The following TIMM50 variants were observed in gnomAD, a reference collection of about 807,000 sequenced individuals.
TIMM50 encodes the protein translocase of inner mitochondrial membrane 50, also known as mitochondrial import inner membrane translocase subunit TIM50.
TIMM50 carries 34 observed loss-of-function variants against 49.6 expected under a neutral mutation model. That is an observed-to-expected ratio of 0.69 (90% CI 0.52 to 0.91). The LOEUF (loss-of-function observed/expected upper bound fraction) is 0.91. Ranked by LOEUF, TIMM50 falls within the 40% of genes least tolerant of loss-of-function variation. The probability of loss-of-function intolerance (pLI) is 0.00; values close to 1 mark genes in which losing one functional copy is unlikely to be tolerated. For missense variants in TIMM50, 458 were observed against 477.8 expected (o/e 0.96, Z 0.39); for synonymous variants, 199 against 198.4 (o/e 1.00, Z -0.03).
At position 39,486,079 on chromosome 19, in the gene TIMM50, G is replaced by A. The variant is rs2079503490; in HGVS notation, c.493-108G>A. 5 of 1,233,474 alleles carry A rather than the reference G, an allele frequency of 4.1e-6. No individual in the cohort carries two copies. In the East Asian group the frequency reaches 7.0e-5, roughly 17 times the overall value. 76.4% of individuals were successfully genotyped at this position (1,233,474 alleles called of 1,614,324 possible). On this transcript the variant is annotated intron_variant, in intron 6 of 10. Transcript: ENST00000607714. ...TTGACCTCCAAGAGCCACAGAGACA[G>A]AGGGAGAGAACTCTGTTCTGGGAAT...
At chr19:39,481,548 C>A (rs1022248397) in intron 1 of TIMM50, among the ~76,000 whole-genome samples, 11 of 152,174 alleles carry the variant, frequency 7.2e-5, no homozygotes, top group African/African-American at 2.7e-4. Context: ...CCACTTGTGC[C>A]CTCCGTTCCC....
At chr19:39,481,644 C>T (rs2079472741) in intron 1 of TIMM50, among the ~76,000 whole-genome samples, 3 of 152,168 alleles carry the variant, frequency 2.0e-5, no homozygotes. Flanking sequence ...CTGTTGCCTT[C>T]AGGATCCTGT....
rs1555752463 is a variant in TIMM50, at chr19:39,492,322, G to GGT, written c.*2503_*2504insTG. 1 of 148,186 alleles carries GGT rather than the reference G, an allele frequency of 6.7e-6. No homozygotes were observed. The highest frequency in any genetic ancestry group is 1.5e-5 in the Non-Finnish European group (1 of 67,570). 9.2% of individuals were successfully genotyped at this position (148,186 alleles called of 1,614,324 possible). ...TGGGAAGAGCCTGTCTCTTGCGGGG[G>GGT]GGGGAGAAGAAAGTTCTTGTCTCAG... On this transcript the variant is annotated 3_prime_UTR_variant, in exon 11 of 11. Transcript: ENST00000607714.
chr19:39,484,612 AT>A (rs1167227677), intron 4 of TIMM50, among the ~76,000 whole-genome samples: 1 of 151,954 alleles, frequency 6.6e-6, no homozygotes, highest in African/African-American at 2.4e-5. Context: ...GCATTGCCAG[AT>A]TTCCCAGGGG....
chr19:39,484,961 G>GTT (rs368481831), intron 4 of TIMM50: 67 of 148,076 alleles, frequency 4.5e-4, no homozygotes, highest in East Asian at 2.0e-3. Context: ...GTTTTGTTTT[G>GTT]TTTTTTTTTT....
chr19:39,487,638 T>C (rs1292676293), intron 8 of TIMM50, among the ~76,000 whole-genome samples: 1 of 152,084 alleles, frequency 6.6e-6, no homozygotes, highest in Non-Finnish European at 1.5e-5. Flanking sequence ...TTTGTATTTT[T>C]AGTAGAGACA....
intron 4 of TIMM50, chr19:39,485,111 C>CA: frequency 5.5e-6 from 1 of 181,834 alleles, no homozygotes; most frequent in South Asian, 1.1e-4. Context: ...CACATGCCAC[C>CA]ACGCCCGGCT....
Position 39,488,536 on chromosome 19 carries a change from C to G in TIMM50, c.854-3C>G, listed in dbSNP as rs768399918. On this transcript the variant is annotated splice_region_variant and splice_polypyrimidine_tract_variant and intron_variant, in intron 9 of 10. Transcript: ENST00000607714. ...GGCTGACCACCCCCTGTTGTGCCCA[C>G]AGCCATTGCACTGAATGGTGTGGAG... is the stretch of plus-strand genomic sequence containing the variant. The G allele has an allele frequency of 6.2e-7, 1 of 1,612,340 alleles. No individual in the cohort carries two copies. Among genetic ancestry groups the G allele is most frequent in the South Asian group, 1.1e-5 (1 of 91,010 alleles).
At chr19:39,487,780 C>A (rs866433366) in intron 8 of TIMM50, among the ~76,000 whole-genome samples, 1 of 151,998 alleles carries the variant, frequency 6.6e-6, no homozygotes, top group Non-Finnish European at 1.5e-5. Flanking sequence ...TTAGTAGATA[C>A]GGGGTTTCAC....
chr19:39,480,873 T>C lies in TIMM50; in HGVS notation c.20T>C (p.Val7Ala). 6.3e-7 allele frequency: 1 copy of C among 1,599,688 alleles called. No homozygotes were observed. The highest frequency in any genetic ancestry group is 1.1e-5 in the South Asian group (1 of 89,938). The change falls in exon 1 of 11, where the codon GTG becomes GCG. Residue 7 changes from valine to alanine, a missense_variant. Transcript: ENST00000607714. ...CGCAAGATGGCGGCCTCGGCAGCGG[T>C]GTTCTCGCGCTTGCGAAGCGGGCTC... MAASAA[V>A]FSRLRSGLRL... is the part of the protein sequence containing the mutation.
intron 4 of TIMM50, among the ~76,000 whole-genome samples, chr19:39,483,940 A>C (rs1238636403): frequency 6.6e-6 from 1 of 151,912 alleles, no homozygotes; most frequent in African/African-American, 2.4e-5. Context: ...TGCAACCTCC[A>C]CCTCCTGGGT....
rs553696507 is a variant in TIMM50, at chr19:39,487,489, G to A, written c.697-572G>A. 8.6e-5 allele frequency among the ~76,000 whole-genome samples: 13 copies of A among 151,438 alleles called. No homozygotes were observed. The East Asian group carries it at 2.3e-3, about 27-fold the overall frequency. On this transcript the variant is annotated intron_variant, in intron 8 of 10. Coordinates refer to ENST00000607714, the MANE Select transcript of TIMM50 (RefSeq NM_001001563.5). ...TATTTTTTTTGTGAGACGGAGTCTCGCTCTGTTGCCTAGGCTGGAGTGCAG... is the reference window on the plus strand; with the variant it reads ...TATTTTTTTTGTGAGACGGAGTCTCACTCTGTTGCCTAGGCTGGAGTGCAG...
chr19:39,483,017 C>T (rs890118816), intron 3 of TIMM50, 101 bp downstream of exon 3: 191 of 1,607,980 alleles, frequency 1.2e-4, no homozygotes, highest in Non-Finnish European at 1.5e-4. Flanking sequence ...TGGAGTGAGC[C>T]TTTCTTTCCC....
intron 10 of TIMM50, 78 bp downstream of exon 10, chr19:39,488,723 A>C (rs1000227549): frequency 8.3e-7 from 1 of 1,204,640 alleles, no homozygotes; most frequent in Non-Finnish European, 1.2e-6. Flanking sequence ...CCATCTCCAC[A>C]CTCTTGGTTT....
chr19:39,488,398 G>A, intron 9 of TIMM50, 141 bp from the exon 10 acceptor site: 1 of 1,082,868 alleles, frequency 9.2e-7, no homozygotes, highest in South Asian at 1.5e-5. Flanking sequence ...GGGATGTTCA[G>A]GGGAGCCCTT....
chr19:39,486,337 G>C, intron 7 of TIMM50, 46 bp downstream of exon 7: 1 of 1,612,514 alleles, frequency 6.2e-7, no homozygotes, highest in Non-Finnish European at 8.5e-7. Context: ...GGTGGGAGGC[G>C]TAGAGATCTG....
At chr19:39,487,896 G>T in intron 8 of TIMM50, 165 bp from the exon 9 acceptor site, 15 of 1,050,138 alleles carry the variant, frequency 1.4e-5, no homozygotes, top group Non-Finnish European at 2.0e-5. Context: ...CTGGCCCTCT[G>T]TGGGGGTCGA....
At chr19:39,484,453 A>C (rs1257258481) in intron 4 of TIMM50, among the ~76,000 whole-genome samples, 1 of 152,120 alleles carries the variant, frequency 6.6e-6, no homozygotes, top group African/African-American at 2.4e-5. Flanking sequence ...CAATATATTC[A>C]CTTAAACCAG....
chr19:39,485,808 G>A lies in TIMM50; in HGVS notation c.492+1G>A, dbSNP rs771108668. On this transcript the variant is annotated splice_donor_variant, in intron 6 of 10. Coordinates refer to ENST00000607714, the MANE Select transcript of TIMM50 (RefSeq NM_001001563.5). LOFTEE classifies it high-confidence loss of function. Reference sequence around the variant, plus strand: ...CGTCCTCTTGCATCCTGAGTGGTCGGTGTGTCCCGGGAAACCCAGTGGGTT... The same window carrying A: ...CGTCCTCTTGCATCCTGAGTGGTCGATGTGTCCCGGGAAACCCAGTGGGTT... The A allele has an allele frequency of 5.0e-6, 8 of 1,614,156 alleles. No homozygotes were observed. Among genetic ancestry groups the A allele is most frequent in the Non-Finnish European group, 5.9e-6 (7 of 1,180,036 alleles).
Sources: gnomAD v4.1 joint callset for allele counts (sites outside exome capture counted in the v4.1 genomes callset) on GRCh38, gnomAD v4.1.1 for gene constraint, MANE v1.5 for transcripts, NCBI Gene and HGNC (gene_info 2026-07-23, HGNC 2026-07-21) for gene names.